The following ALKBH8 variants were observed in gnomAD, a reference collection of about 807,000 sequenced individuals.
ALKBH8 encodes the protein alkB homolog 8, tRNA methyltransferase.
A neutral mutation model predicts 59.8 loss-of-function variants in ALKBH8; 36 were observed. The observed-to-expected ratio is 0.60, with a 90% CI of 0.46 to 0.79. ALKBH8 has a LOEUF of 0.79. Ranked by LOEUF, ALKBH8 falls within the 30% of genes least tolerant of loss-of-function variation. ALKBH8 has a pLI of 0.00. For synonymous variants in ALKBH8, 276 were observed against 273.6 expected (o/e 1.01, Z -0.09); for missense variants, 768 against 801.0 (o/e 0.96, Z 0.50).
chr11:107,554,854 G>A (rs1864640053), intron 3 of ALKBH8, among the ~76,000 whole-genome samples: 1 of 152,182 alleles, frequency 6.6e-6, no homozygotes, highest in African/African-American at 2.4e-5. Context: ...AATTTACAGT[G>A]TAAGTAATTT....
Position 107,551,873 on chromosome 11 carries a change from A to C in ALKBH8, c.635T>G (p.Leu212Trp). The change falls in exon 6 of 12, where the codon TTG becomes TGG. Residue 212 changes from leucine (L) to tryptophan (W), a missense_variant. By Grantham distance (61) the Leu-to-Trp change is moderately conservative (BLOSUM62 -2). Transcript: ENST00000428149. ...DICESFLEKW[L>W]RKGYIKHKPD... ...TTTATGTTTAATGTAACCTTTCCTC[A>C]ACCATTTCTCCAAAAAGCTTTCACA... 1 of 1,552,040 alleles carries C rather than the reference A, an allele frequency of 6.4e-7. No homozygotes were observed. The highest frequency in any genetic ancestry group is 8.7e-7 in the Non-Finnish European group (1 of 1,154,366).
At chr11:107,511,504 T>A (rs641502) in intron 10 of ALKBH8, among the ~76,000 whole-genome samples, 1 of 151,914 alleles carries the variant, frequency 6.6e-6, no homozygotes, top group South Asian at 2.1e-4. Flanking sequence ...AGGCAATTTT[T>A]TTTCTGCTTC....
In ALKBH8 at chr11:107,539,354, C is replaced by T. The variant is rs561323889; in HGVS notation, c.772-6948G>A. Among the ~76,000 whole-genome samples the T allele has an allele frequency of 3.9e-5, 6 of 152,318 alleles. No individual in the cohort carries two copies. In the East Asian group the frequency reaches 1.2e-3, roughly 29 times the overall value. On this transcript the variant is annotated intron_variant, in intron 7 of 11. Coordinates refer to ENST00000428149, the MANE Select transcript of ALKBH8 (RefSeq NM_138775.3). The stretch of plus-strand genomic sequence containing the variant: ...GTGGCTCACGCCTGTAATCCCAGCA[C>T]TTTGGGAGGCCAAGGTGGGCAGATT...
chr11:107,527,949 G>T (rs934833827), intron 8 of ALKBH8, among the ~76,000 whole-genome samples: 1 of 151,992 alleles, frequency 6.6e-6, no homozygotes, highest in African/African-American at 2.4e-5. Flanking sequence ...GTCAGCTGTG[G>T]GTTTTTCATA....
chr11:107,553,438 C>T (rs1436839012), intron 4 of ALKBH8, among the ~76,000 whole-genome samples: 3 of 152,082 alleles, frequency 2.0e-5, no homozygotes, highest in East Asian at 1.9e-4. Flanking sequence ...CTAACATGTA[C>T]ACTACCATTT....
intron 7 of ALKBH8, among the ~76,000 whole-genome samples, chr11:107,545,648 A>G (rs1433674706): frequency 1.3e-5 from 2 of 152,216 alleles, no homozygotes; most frequent in African/African-American, 4.8e-5. Flanking sequence ...ACGGACTTCC[A>G]TAAAATTAGT....
chr11:107,517,379 T>C (rs1410573703), intron 10 of ALKBH8, among the ~76,000 whole-genome samples: 2 of 152,086 alleles, frequency 1.3e-5, no homozygotes, highest in East Asian at 1.9e-4. Context: ...ATATTAAAAA[T>C]AGAACTACCA....
At chr11:107,544,787 C>T in intron 7 of ALKBH8, among the ~76,000 whole-genome samples, 1 of 150,832 alleles carries the variant, frequency 6.6e-6, no homozygotes. Context: ...TAGAGCCATA[C>T]AGAAGTCACC....
chr11:107,556,285 C>CA (rs200071405), intron 3 of ALKBH8, among the ~76,000 whole-genome samples: 155 of 135,800 alleles, frequency 1.1e-3, no homozygotes, highest in East Asian at 9.3e-3. Flanking sequence ...TCTCAAAAAG[C>CA]AAAAAAATAA....
At chr11:107,563,752 G>A (rs1441391221) in intron 1 of ALKBH8, 1 of 152,190 alleles carries the variant, frequency 6.6e-6, no homozygotes, top group African/African-American at 2.4e-5. Flanking sequence ...AAGAAGGAAT[G>A]AGAAAGAAAC....
At chr11:107,506,409 GA>G (rs549450838) in intron 11 of ALKBH8, among the ~76,000 whole-genome samples, 28 of 143,448 alleles carry the variant, frequency 2.0e-4, no homozygotes, top group Admixed American at 1.4e-3. Context: ...GAAAAACAGA[GA>G]AAAAAAAAAG....
intron 8 of ALKBH8, among the ~76,000 whole-genome samples, chr11:107,530,564 CCT>C (rs35178970): frequency 0.25 from 36,863 of 147,552 alleles, 5,433 homozygotes; most frequent in East Asian, 0.48. Flanking sequence ...TCCCTCCCTC[CCT>C]CTCTCCCCCA....
intron 1 of ALKBH8, among the ~76,000 whole-genome samples, chr11:107,564,496 T>C (rs1458901084): frequency 6.6e-6 from 1 of 152,180 alleles, no homozygotes; most frequent in African/African-American, 2.4e-5. Flanking sequence ...AGTTTACATA[T>C]AAATCTTTAG....
intron 11 of ALKBH8, among the ~76,000 whole-genome samples, chr11:107,508,419 C>T (rs918189989): frequency 2.0e-5 from 3 of 152,172 alleles, no homozygotes; most frequent in Non-Finnish European, 4.4e-5. Flanking sequence ...GTGATCCACT[C>T]GCTTTGTCCT....
intron 7 of ALKBH8, among the ~76,000 whole-genome samples, chr11:107,536,418 GA>G (rs1863817606): frequency 6.6e-6 from 1 of 152,310 alleles, no homozygotes; most frequent in African/African-American, 2.4e-5. Flanking sequence ...GAAGAATACG[GA>G]ATGACAGGAC....
In ALKBH8 at chr11:107,504,994, C is replaced by A. The variant is rs370393432; in HGVS notation, c.1659G>T (p.Ser553=). Residue 553 remains serine, a synonymous_variant, in exon 12 of 12, where the codon TCG becomes TCT. Coordinates refer to ENST00000428149, the MANE Select transcript of ALKBH8 (RefSeq NM_138775.3). ...CATTAATGCGGGGGACAGAAGATGC[C>A]GAGTCTCGACTGCCCATGTCACGCA... is the stretch of plus-strand genomic sequence containing the variant. ...EQMRDMGSRD[S]ASSVPRINDS... is the part of the protein sequence containing the mutation. 1 of 1,551,394 alleles carries A rather than the reference C, an allele frequency of 6.4e-7. No homozygotes were observed. Among genetic ancestry groups the A allele is most frequent in the South Asian group, 1.2e-5 (1 of 84,018 alleles).
intron 7 of ALKBH8, among the ~76,000 whole-genome samples, chr11:107,533,898 G>A (rs1429795375): frequency 6.6e-6 from 1 of 152,146 alleles, no homozygotes; most frequent in African/African-American, 2.4e-5. Flanking sequence ...GGAGGCCGAG[G>A]TGGGCAGACC....
At position 107,556,938 on chromosome 11, in the gene ALKBH8, TA is replaced by T; in HGVS notation, c.194del (p.Leu65Ter). 1 of 1,612,012 alleles carries T rather than the reference TA, an allele frequency of 6.2e-7. No individual in the cohort carries two copies. The highest frequency in any genetic ancestry group is 8.5e-7 in the Non-Finnish European group (1 of 1,178,996). ...GAGCATCCACCAGTCCACATTTCTCTAAAACCGGGAGCAGCTGGTTCCGACT... is the reference window on the plus strand; with the variant it reads ...GAGCATCCACCAGTCCACATTTCTCTAAACCGGGAGCAGCTGGTTCCGACT... Reference protein sequence around the residue: ...GVSRNQLLPVLEKCGLVDALL... With the variant: ...GVSRNQLLPVXEKCGLVDALL... On this transcript the variant is annotated frameshift_variant, in exon 3 of 12. Coordinates refer to ENST00000428149, the MANE Select transcript of ALKBH8 (RefSeq NM_138775.3). LOFTEE classifies it high-confidence loss of function.
Position 107,522,401 on chromosome 11 carries a change from C to T in ALKBH8, c.1185G>A (p.Pro395=), listed in dbSNP as rs1458493129. The T allele has an allele frequency of 1.1e-5, 17 of 1,551,580 alleles. No individual in the cohort carries two copies. Among genetic ancestry groups the T allele is most frequent in the East Asian group, 7.3e-5 (3 of 40,926 alleles). The change falls in exon 10 of 12, where the codon CCG becomes CCA. Residue 395 remains proline (P), a synonymous_variant. Transcript: ENST00000428149. Reference sequence around the variant, plus strand: ...AAGCCTTCAAAAACTCCACAATGTGCGGCCAAGGGGTATGTCTTGTGCTGC... The same window carrying T: ...AAGCCTTCAAAAACTCCACAATGTGTGGCCAAGGGGTATGTCTTGTGCTGC... ...HFSSTRHTPW[P]HIVEFLKALP... is the part of the protein sequence containing the mutation.
Sources: gnomAD v4.1 joint callset for allele counts (sites outside exome capture counted in the v4.1 genomes callset) on GRCh38, gnomAD v4.1.1 for gene constraint, MANE v1.5 for transcripts, NCBI Gene and HGNC (gene_info 2026-07-23, HGNC 2026-07-21) for gene names.